Variants in SRFBP1 observed in about 807,000 individuals in gnomAD.
SRFBP1 encodes serum response factor-binding protein 1.
A neutral mutation model predicts 45.5 loss-of-function variants in SRFBP1; 47 were observed. The observed-to-expected ratio is 1.03, with a 90% CI of 0.82 to 1.32. The LOEUF (loss-of-function observed/expected upper bound fraction) is 1.32, where lower values mean the gene tolerates loss of function less well. SRFBP1 is among the 40% of genes most tolerant of loss of function. The pLI, the probability that SRFBP1 is intolerant of heterozygous loss-of-function variation, is 0.00. For missense variants in SRFBP1, 621 were observed against 484.6 expected, an observed-to-expected ratio of 1.28 and a Z score of -2.64; for synonymous variants, 203 against 166.3, an observed-to-expected ratio of 1.22 and a Z score of -1.70.
downstream of SRFBP1, chr5:122,077,888 C>A: frequency 6.5e-7 from 1 of 1,532,180 alleles, no homozygotes. The surrounding 1 kb of genome is among the most constrained non-coding windows in gnomAD (Gnocchi z 4.9). Context: ...CGGCGGCTCG[C>A]GCGGGGGCTG....
chr5:121,997,239 G>A (rs1207215065), intron 4 of SRFBP1, among the ~76,000 whole-genome samples: 6 of 148,952 alleles, frequency 4.0e-5, no homozygotes, highest in African/African-American at 1.0e-4. Context: ...AAAGCTGGAG[G>A]CATCACACTA....
At position 122,010,312 on chromosome 5, in the gene SRFBP1, G is replaced by A. The variant is rs140705244; in HGVS notation, c.271-8948G>A. Among the ~76,000 whole-genome samples the A allele has an allele frequency of 1.6e-3, 247 of 151,960 alleles. 2 individuals carry two copies. The highest frequency in any genetic ancestry group is 5.5e-3 in the African/African-American group (230 of 41,460). On this transcript the variant is annotated intron_variant, in intron 4 of 7. Coordinates refer to ENST00000339397, the MANE Select transcript of SRFBP1 (RefSeq NM_152546.3). ...TGTTTTGTCCTATTTTTATGTGTTC[G>A]TTCTTCCTTAGTTGACTATAGGACA...
At position 122,027,175 on chromosome 5, in the gene SRFBP1, T is replaced by G; in HGVS notation, c.*49T>G. ...TTCCATCTAAAAAAAAAAATGTTTT[T>G]TTTAAGACAGGATCTCATTCTGTTG... On this transcript the variant is annotated 3_prime_UTR_variant, in exon 8 of 8. Coordinates refer to ENST00000339397, the MANE Select transcript of SRFBP1 (RefSeq NM_152546.3). 1 of 1,468,722 alleles carries G rather than the reference T, an allele frequency of 6.8e-7. No individual in the cohort carries two copies. Among genetic ancestry groups the G allele is most frequent in the Non-Finnish European group, 9.3e-7 (1 of 1,074,858 alleles). The allele number at this position is 1,468,722 out of a possible 1,614,324, so 91.0% of individuals were successfully genotyped here. A position where few individuals can be genotyped will look rare whatever the true frequency, so the allele number is the denominator to read the frequency against.
intron 1 of SRFBP1, among the ~76,000 whole-genome samples, chr5:121,964,816 A>G (rs1366593101): frequency 1.3e-5 from 2 of 152,186 alleles, no homozygotes; most frequent in East Asian, 1.9e-4. Flanking sequence ...CCAACAGTGT[A>G]AAAGCATTCC....
intron 2 of SRFBP1, among the ~76,000 whole-genome samples, chr5:122,046,344 G>C (rs531456387): frequency 3.9e-5 from 6 of 152,140 alleles, no homozygotes; most frequent in Admixed American, 2.0e-4. Flanking sequence ...ATGGTTTCTA[G>C]CTTCATCCAT....
At chr5:122,058,529 AGT>A (rs147926229) in intron 2 of SRFBP1, among the ~76,000 whole-genome samples, 11,431 of 142,020 alleles carry the variant, frequency 0.08, 513 homozygotes, top group African/African-American at 0.12. Context: ...ACAATGAGAT[AGT>A]GTGTGTGTGT....
chr5:121,971,183 A>T (rs1251697767), intron 1 of SRFBP1, among the ~76,000 whole-genome samples: 2 of 152,062 alleles, frequency 1.3e-5, no homozygotes, highest in African/African-American at 4.8e-5. Flanking sequence ...TACTTTAAAA[A>T]ATTTTATTGC....
At chr5:122,026,760 A>G (rs1182960971) in intron 7 of SRFBP1, among the ~76,000 whole-genome samples, 182 bp from the exon 8 acceptor site, 1 of 152,168 alleles carries the variant, frequency 6.6e-6, no homozygotes, top group African/African-American at 2.4e-5. Context: ...AAAATTGACT[A>G]CTTGTATATA....
intron 3 of SRFBP1, among the ~76,000 whole-genome samples, chr5:121,990,205 T>C (rs1056725025): frequency 1.3e-5 from 2 of 152,088 alleles, no homozygotes; most frequent in Admixed American, 6.6e-5. Context: ...ATAAAGAAAA[T>C]GTGGTCCATA....
rs1233418820 is a variant in SRFBP1, at chr5:122,022,382, A to G, written c.1080A>G (p.Glu360=). Residue 360 remains glutamate, a synonymous_variant, in exon 7 of 8, where the codon GAA becomes GAG. Coordinates refer to ENST00000339397, the MANE Select transcript of SRFBP1 (RefSeq NM_152546.3). ...GSKSSRRNFK[E]QAPKTRSLDF... ...TTTCTTCTTTTAGAAATTTCAAAGA[A>G]CAGGCTCCAAAAACAAGATCCCTAG... 7 of 1,611,740 alleles carry G rather than the reference A, an allele frequency of 4.3e-6. No individual in the cohort carries two copies. The highest frequency in any genetic ancestry group is 5.1e-6 in the Non-Finnish European group (6 of 1,179,042).
At chr5:121,980,900 G>A (rs896159733) in intron 3 of SRFBP1, among the ~76,000 whole-genome samples, 4 of 152,066 alleles carry the variant, frequency 2.6e-5, no homozygotes, top group Non-Finnish European at 5.9e-5. Context: ...TCTCTCAGCG[G>A]ATAAAGTATC....
At chr5:121,986,751 T>C (rs193050336) in intron 3 of SRFBP1, among the ~76,000 whole-genome samples, 1 of 152,272 alleles carries the variant, frequency 6.6e-6, no homozygotes, top group East Asian at 1.9e-4. Flanking sequence ...CAGCCATTTC[T>C]CTAAGAAGTC....
chr5:122,019,479 C>G, intron 5 of SRFBP1, 138 bp downstream of exon 5: 1 of 650,974 alleles, frequency 1.5e-6, no homozygotes. Flanking sequence ...TGGAAGGTGT[C>G]TGAAAATACA....
intron 4 of SRFBP1, among the ~76,000 whole-genome samples, chr5:122,010,174 G>A (rs937627718): frequency 6.6e-6 from 1 of 151,854 alleles, no homozygotes; most frequent in African/African-American, 2.4e-5. Context: ...ACTCCCTATG[G>A]CTTTCCAGTG....
downstream of SRFBP1, chr5:122,077,495 T>A (rs755159541): frequency 1.2e-6 from 2 of 1,613,840 alleles, no homozygotes; most frequent in Non-Finnish European, 8.5e-7. The surrounding 1 kb of genome is among the most constrained non-coding windows in gnomAD (Gnocchi z 4.9). Flanking sequence ...CACCATGCCG[T>A]CCACGCGGCT....
rs1448945249 is a variant in SRFBP1 at position 122,027,746 on chromosome 5, T to C, written c.*620T>C. 1 of 152,134 alleles carries C rather than the reference T, an allele frequency of 6.6e-6. No homozygotes were observed. The highest frequency in any genetic ancestry group is 2.4e-5 in the African/African-American group (1 of 41,452). The allele number at this position is 152,134 out of a possible 1,614,324, so 9.4% of individuals were successfully genotyped here. ...TTTATTATGGATGTACAGATAAATA[T>C]TAATTTTATTATAGTTTTAAGTACT... On this transcript the variant is annotated 3_prime_UTR_variant, in exon 8 of 8. Coordinates refer to ENST00000339397, the MANE Select transcript of SRFBP1 (RefSeq NM_152546.3).
At chr5:122,033,435 G>T (rs558551669), downstream of SRFBP1, among the ~76,000 whole-genome samples, 1 of 151,396 alleles carries the variant, frequency 6.6e-6, no homozygotes, top group South Asian at 2.1e-4. Context: ...ACAACGGTTT[G>T]CTTGCTTTGC....
At chr5:122,041,589 T>C (rs1038091607) in intron 2 of SRFBP1, among the ~76,000 whole-genome samples, 2 of 152,158 alleles carry the variant, frequency 1.3e-5, no homozygotes, top group Non-Finnish European at 2.9e-5. Context: ...GTTATAAATG[T>C]GATCTGATCT....
chr5:122,033,160 G>T (rs1753617995), downstream of SRFBP1, among the ~76,000 whole-genome samples: 1 of 151,062 alleles, frequency 6.6e-6, no homozygotes, highest in South Asian at 2.1e-4. Context: ...TTTTCCACTG[G>T]TGAGGGTTTT....
Sources: gnomAD v4.1 joint callset for allele counts (sites outside exome capture counted in the v4.1 genomes callset) on GRCh38, gnomAD v4.1.1 for gene constraint, Gnocchi (gnomAD v3.1) non-coding constraint, MANE v1.5 for transcripts, NCBI Gene and HGNC (gene_info 2026-07-23, HGNC 2026-07-21) for gene names.